Variants in IL1RAPL2 observed in about 807,000 individuals in gnomAD.
The protein encoded by IL1RAPL2 is X-linked interleukin-1 receptor accessory protein-like 2.
Under a neutral mutation model 44.1 loss-of-function variants are expected in IL1RAPL2, and 3 were observed. The observed-to-expected ratio is 0.07, with a 90% CI of 0.03 to 0.18. The LOEUF is 0.18. Among genes scored for constraint, IL1RAPL2 ranks in the 10% least tolerant of loss-of-function variants. The pLI is 1.00. For missense variants in IL1RAPL2, 391 were observed against 496.4 expected (o/e 0.79, Z 2.02); for synonymous variants, 181 against 178.8 (o/e 1.01, Z -0.10).
intron 5 of IL1RAPL2, among the ~76,000 whole-genome samples, chrX:105,274,052 C>A (rs1371561652): frequency 2.7e-5 from 3 of 112,106 alleles, no homozygotes; most frequent in Admixed American, 1.9e-4. Flanking sequence ...ATTTCACTCA[C>A]CAAATGTGTA....
chrX:104,892,665 T>C (rs2147666571), intron 2 of IL1RAPL2, among the ~76,000 whole-genome samples: 1 of 112,035 alleles, frequency 8.9e-6, no homozygotes, highest in East Asian at 2.8e-4. Context: ...TTATTGCATC[T>C]ATCTGATTCT....
chrX:104,892,976 G>C (rs1478878550), intron 2 of IL1RAPL2, among the ~76,000 whole-genome samples: 3 of 111,940 alleles, frequency 2.7e-5, no homozygotes, highest in Non-Finnish European at 5.6e-5. Flanking sequence ...GTGTCCCAGA[G>C]ATTCTGGTAT....
chrX:104,712,252 G>A (rs1462491273), intron 2 of IL1RAPL2, among the ~76,000 whole-genome samples: 1 of 110,516 alleles, frequency 9.0e-6, no homozygotes, highest in African/African-American at 3.3e-5. Context: ...GCAAAGTGAG[G>A]ACCAATTTAA....
chrX:105,328,894 A>T (rs919398986), intron 5 of IL1RAPL2, among the ~76,000 whole-genome samples: 2 of 111,976 alleles, frequency 1.8e-5, no homozygotes, highest in Non-Finnish European at 3.8e-5. Context: ...GTAGTAGGCT[A>T]TGCAGTCTAG....
At chrX:105,527,706 G>A (rs1194183254) in intron 6 of IL1RAPL2, among the ~76,000 whole-genome samples, 1 of 110,795 alleles carries the variant, frequency 9.0e-6, no homozygotes, top group Admixed American at 9.7e-5. Flanking sequence ...TGGTAGCAGT[G>A]GTTCTAGTGA....
chrX:105,358,223 C>A (rs1017889097), intron 5 of IL1RAPL2, among the ~76,000 whole-genome samples: 3 of 109,873 alleles, frequency 2.7e-5, no homozygotes, highest in African/African-American at 9.9e-5. Context: ...CTGCTGTTCT[C>A]CAGATTTATT....
chrX:105,031,220 T>C (rs1247779030), intron 2 of IL1RAPL2, among the ~76,000 whole-genome samples: 1 of 108,871 alleles, frequency 9.2e-6, no homozygotes, highest in Non-Finnish European at 1.9e-5. Context: ...CTTTTCCTAA[T>C]TGAATACCCT....
chrX:104,689,843 G>A (rs1292311912), intron 2 of IL1RAPL2, among the ~76,000 whole-genome samples: 1 of 111,822 alleles, frequency 8.9e-6, no homozygotes, highest in African/African-American at 3.3e-5. Flanking sequence ...CACATAGATG[G>A]TAATGACCTC....
intron 1 of IL1RAPL2, among the ~76,000 whole-genome samples, chrX:104,635,329 G>T (rs1470153771): frequency 6.4e-5 from 7 of 109,784 alleles, no homozygotes; most frequent in African/African-American, 2.3e-4. Flanking sequence ...TCTTGGAGTT[G>T]CTCTTCTCGA....
At chrX:104,728,335 A>G (rs1203089730) in intron 2 of IL1RAPL2, among the ~76,000 whole-genome samples, 2 of 111,547 alleles carry the variant, frequency 1.8e-5, no homozygotes, top group Non-Finnish European at 3.8e-5. Context: ...AAGAAGCCAG[A>G]TGCATGAAGC....
At chrX:104,628,614 T>C (rs963803020) in intron 1 of IL1RAPL2, among the ~76,000 whole-genome samples, 10 of 112,158 alleles carry the variant, frequency 8.9e-5, no homozygotes, top group African/African-American at 2.9e-4. Context: ...GGTCCAGGTA[T>C]CTATTTAGTG....
chrX:105,549,587 G>T (rs1436830414), intron 6 of IL1RAPL2, among the ~76,000 whole-genome samples: 1 of 111,354 alleles, frequency 9.0e-6, no homozygotes. Flanking sequence ...TGGTATAGAG[G>T]CCCATCCATC....
chrX:105,627,538 A>T (rs922175578), intron 6 of IL1RAPL2, among the ~76,000 whole-genome samples: 1 of 111,061 alleles, frequency 9.0e-6, no homozygotes, highest in African/African-American at 3.3e-5. Flanking sequence ...TCCCTACCTC[A>T]CTCTGCCAAC....
chrX:105,611,716 T>C (rs750281354), intron 6 of IL1RAPL2, among the ~76,000 whole-genome samples: 2 of 112,069 alleles, frequency 1.8e-5, no homozygotes, highest in Admixed American at 9.5e-5. Context: ...TCTCAGAACA[T>C]ATCCCCATCA....
intron 1 of IL1RAPL2, among the ~76,000 whole-genome samples, chrX:104,606,299 A>G (rs1929009193): frequency 8.9e-6 from 1 of 111,882 alleles, no homozygotes. Flanking sequence ...TCAATAAATG[A>G]GGTATCAGTG....
intron 1 of IL1RAPL2, among the ~76,000 whole-genome samples, chrX:104,653,971 A>G (rs891812071): frequency 9.0e-6 from 1 of 110,630 alleles, no homozygotes; most frequent in African/African-American, 3.3e-5. Context: ...ATTATTTTAA[A>G]GGACCCTAGC....
chrX:105,504,017 T>C (rs1245688139), intron 6 of IL1RAPL2, among the ~76,000 whole-genome samples: 2 of 111,883 alleles, frequency 1.8e-5, no homozygotes, highest in African/African-American at 6.5e-5. Flanking sequence ...ATCTGGAGTT[T>C]AGGTACATAC....
intron 4 of IL1RAPL2, among the ~76,000 whole-genome samples, chrX:105,259,381 C>T (rs1349632613): frequency 9.0e-6 from 1 of 111,522 alleles, no homozygotes; most frequent in Admixed American, 9.5e-5. Flanking sequence ...CTGTAGATTG[C>T]AACTTGGCAC....
chrX:105,511,342 A>C (rs2036468533), intron 6 of IL1RAPL2, among the ~76,000 whole-genome samples: 1 of 111,631 alleles, frequency 9.0e-6, no homozygotes, highest in Non-Finnish European at 1.9e-5. Flanking sequence ...TGCAGCAAGT[A>C]TTCTTGGGTC....
Sources: allele counts gnomAD v4.1 joint callset (sites outside exome capture counted in the v4.1 genomes callset), GRCh38; gene constraint gnomAD v4.1.1; transcripts MANE v1.5; gene names NCBI Gene and HGNC (gene_info 2026-07-23, HGNC 2026-07-21).